The following TCHP variants were observed in gnomAD, a reference collection of about 807,000 sequenced individuals.
The protein encoded by TCHP is trichoplein keratin filament-binding protein.
Under a neutral mutation model 88.7 loss-of-function variants are expected in TCHP, and 81 were observed. The ratio of observed to expected loss-of-function variants is 0.91; its 90% CI spans 0.76 to 1.10. The LOEUF (loss-of-function observed/expected upper bound fraction) is 1.10. Among genes scored for constraint, TCHP ranks in the 50% least tolerant of loss-of-function variants. TCHP has a pLI of 0.00. For missense variants in TCHP, 641 were observed against 632.1 expected (o/e 1.01, Z -0.15); for synonymous variants, 232 against 232.5 (o/e 1.00, Z 0.02).
chr12:109,898,068 C>A (rs900519514), upstream of TCHP, among the ~76,000 whole-genome samples: 9 of 152,256 alleles, frequency 5.9e-5, no homozygotes, highest in African/African-American at 2.2e-4. Context: ...GTGGGACAGA[C>A]CCTGATTAAA....
At chr12:109,906,668 GC>G (rs752444178) in intron 5 of TCHP, 28 bp downstream of exon 5, 3 of 1,567,306 alleles carry the variant, frequency 1.9e-6, no homozygotes, top group South Asian at 2.2e-5. Context: ...GGGAATAGCC[GC>G]GTATTCTGCT....
intron 3 of TCHP, 69 bp downstream of exon 3, chr12:109,904,216 T>G: frequency 7.0e-7 from 1 of 1,424,772 alleles, no homozygotes; most frequent in Non-Finnish European, 9.7e-7. Flanking sequence ...GTCGCACATG[T>G]AGGGTCATTC....
chr12:109,908,662 A>G lies in TCHP; in HGVS notation c.776A>G (p.Lys259Arg). The G allele has an allele frequency of 6.3e-7, 1 of 1,599,562 alleles. No individual in the cohort carries two copies. Among genetic ancestry groups the G allele is most frequent in the Non-Finnish European group, 8.5e-7 (1 of 1,174,596 alleles). Residue 259 changes from lysine (K) to arginine (R), a missense_variant, in exon 7 of 13, where the codon AAG (lysine) becomes AGG (arginine). Lys to Arg is a conservative substitution (Grantham distance 26). Coordinates refer to ENST00000405876, the MANE Select transcript of TCHP (RefSeq NM_001143852.2). ...CTAGAGAGGCTGGAGGAAGAGCGAA[A>G]GCAGATGGAAGCCTTCCGGCAGAAG... ...WELERLEEER[K>R]QMEAFRQKAE... is the part of the protein sequence containing the mutation.
chr12:109,911,748 G>C (rs1870509653), intron 9 of TCHP, among the ~76,000 whole-genome samples: 1 of 151,980 alleles, frequency 6.6e-6, no homozygotes, highest in African/African-American at 2.4e-5. Flanking sequence ...AAATCATTAA[G>C]GTTTAGAGTA....
chr12:109,893,604 A>G, the TCHP span, among the ~76,000 whole-genome samples: 1 of 152,120 alleles, frequency 6.6e-6, no homozygotes, highest in East Asian at 1.9e-4. Flanking sequence ...ACATGTTGAG[A>G]TCGGCTGATG....
At chr12:109,882,106 G>T in the TCHP span, among the ~76,000 whole-genome samples, 1 of 152,150 alleles carries the variant, frequency 6.6e-6, no homozygotes, top group Non-Finnish European at 1.5e-5. Flanking sequence ...GTGTAGTGAC[G>T]GAGGATGACT....
In TCHP at chr12:109,917,695, A is replaced by C. The variant is rs1870891967; in HGVS notation, c.*1072A>C. 1 of 152,588 alleles carries C rather than the reference A, an allele frequency of 6.6e-6. No individual in the cohort carries two copies. Among genetic ancestry groups the C allele is most frequent in the Admixed American group, 6.5e-5 (1 of 15,274 alleles). The allele number at this position is 152,588 out of a possible 1,614,324, so 9.5% of individuals were successfully genotyped here. A position where few individuals can be genotyped will look rare whatever the true frequency, so the allele number is the denominator to read the frequency against. On this transcript the variant is annotated 3_prime_UTR_variant, in exon 13 of 13. Transcript: ENST00000405876. ...TACATTCATTTCTACAAACAGGAAC[A>C]AGTTCCTTGCAGCAATAATATTATT...
rs1276035002 is a variant in TCHP at position 109,905,072 on chromosome 12, G to T, written c.456+279G>T. On this transcript the variant is annotated intron_variant, in intron 4 of 12. Coordinates refer to ENST00000405876, the MANE Select transcript of TCHP (RefSeq NM_001143852.2). The surrounding 1 kb of genome is among the most constrained non-coding windows in gnomAD (Gnocchi z 4.0). ...TCATTAGCTTGTGTCCAGCATGGGA[G>T]CTCATTACAGGGCAGGATGCAGGGT... 1 of 450,638 alleles carries T rather than the reference G, an allele frequency of 2.2e-6. No homozygotes were observed. The highest frequency in any genetic ancestry group is 2.0e-5 in the African/African-American group (1 of 50,472). 27.9% of individuals were successfully genotyped at this position (450,638 alleles called of 1,614,324 possible).
At chr12:109,915,577 C>A in intron 12 of TCHP, 31 bp downstream of exon 12, 1 of 1,587,164 alleles carries the variant, frequency 6.3e-7, no homozygotes, top group Non-Finnish European at 8.6e-7. Flanking sequence ...TAGGCCAACA[C>A]CGGCAAGACA....
chr12:109,892,165 C>A, the TCHP span, among the ~76,000 whole-genome samples: 1 of 152,008 alleles, frequency 6.6e-6, no homozygotes, highest in South Asian at 2.1e-4. Context: ...CCAGCCTGGA[C>A]AACAGAGCAA....
the TCHP span, among the ~76,000 whole-genome samples, chr12:109,888,868 G>A: frequency 1.3e-5 from 2 of 152,048 alleles, no homozygotes; most frequent in Non-Finnish European, 2.9e-5. Context: ...TATCACTAGG[G>A]CAAAATCAAG....
rs1375235160 is a variant in TCHP, at chr12:109,917,928, C to G, written c.*1305C>G. 6.6e-6 allele frequency: 1 copy of G among 152,262 alleles called. No individual in the cohort carries two copies. The highest frequency in any genetic ancestry group is 1.5e-5 in the Non-Finnish European group (1 of 68,052). 9.4% of individuals were successfully genotyped at this position (152,262 alleles called of 1,614,324 possible). A position where few individuals can be genotyped will look rare whatever the true frequency, so the allele number is the denominator to read the frequency against. On this transcript the variant is annotated 3_prime_UTR_variant, in exon 13 of 13. Coordinates refer to ENST00000405876, the MANE Select transcript of TCHP (RefSeq NM_001143852.2). ...CTGTAGAAACAGATCAAGCTGCAAACCACGTCCTTCATCTGTTGTTCATTT... is the reference window on the plus strand; with the variant it reads ...CTGTAGAAACAGATCAAGCTGCAAAGCACGTCCTTCATCTGTTGTTCATTT...
chr12:109,898,440 C>T (rs11068824), upstream of TCHP, among the ~76,000 whole-genome samples: 21,702 of 152,224 alleles, frequency 0.14, 2,417 homozygotes, highest in African/African-American at 0.31. Context: ...AAGCTCCTGA[C>T]CTCAAGAGAT....
intron 3 of TCHP, 132 bp downstream of exon 3, chr12:109,904,279 A>G (rs1440478255): frequency 1.3e-6 from 1 of 772,470 alleles, no homozygotes; most frequent in African/African-American, 1.7e-5. Context: ...CAGCAGGAAA[A>G]GAGCTTAGGT....
intron 1 of TCHP, 120 bp downstream of exon 1, chr12:109,900,546 C>T (rs774972074): frequency 6.6e-6 from 1 of 151,876 alleles, no homozygotes; most frequent in Non-Finnish European, 1.5e-5. Context: ...CCTCCGGGGT[C>T]CTCACTGCGC....
the TCHP span, among the ~76,000 whole-genome samples, chr12:109,886,555 G>A: frequency 6.6e-6 from 1 of 152,006 alleles, no homozygotes; most frequent in East Asian, 1.9e-4. Flanking sequence ...TTACTCTCTA[G>A]CACAAGATAT....
intron 5 of TCHP, among the ~76,000 whole-genome samples, chr12:109,906,887 C>G (rs1035831291): frequency 6.6e-6 from 1 of 152,004 alleles, no homozygotes; most frequent in African/African-American, 2.4e-5. Flanking sequence ...ATACAGCACG[C>G]GTCTTCTTTT....
In TCHP at chr12:109,903,466, A is replaced by T. The variant is rs1415046546; in HGVS notation, c.188+252A>T. Among the ~76,000 whole-genome samples the T allele has an allele frequency of 6.6e-6, 1 of 152,248 alleles. No individual in the cohort carries two copies. The highest frequency in any genetic ancestry group is 1.5e-5 in the Non-Finnish European group (1 of 68,046). On this transcript the variant is annotated intron_variant, in intron 2 of 12. Transcript: ENST00000405876. The surrounding 1 kb of genome is among the most constrained non-coding windows in gnomAD (Gnocchi z 4.6). ...GTTGTAACCCCATATCCCCAGAGAC[A>T]GCCACAGTTAACAGTCTGGCACATA...
At chr12:109,886,325 A>C in the TCHP span, among the ~76,000 whole-genome samples, 3 of 152,044 alleles carry the variant, frequency 2.0e-5, no homozygotes, top group Non-Finnish European at 4.4e-5. Flanking sequence ...TTTAGTAGAA[A>C]CAGGGTTTCA....
Sources: allele counts gnomAD v4.1 joint callset (sites outside exome capture counted in the v4.1 genomes callset), GRCh38; gene constraint gnomAD v4.1.1; non-coding constraint Gnocchi (gnomAD v3.1); transcripts MANE v1.5; gene names NCBI Gene and HGNC (gene_info 2026-07-23, HGNC 2026-07-21).